FAM199X: variants seen among roughly 807,000 people sequenced by gnomAD.
The protein encoded by FAM199X is family with sequence similarity 199, X-linked.
FAM199X carries 4 observed loss-of-function variants against 22.9 expected under a neutral mutation model. The ratio of observed to expected loss-of-function variants is 0.17; its 90% confidence interval spans 0.09 to 0.40. The LOEUF (loss-of-function observed/expected upper bound fraction) is 0.40, where lower values mean the gene tolerates loss of function less well. Among genes scored for constraint, FAM199X ranks in the 10% least tolerant of loss-of-function variants. The probability of loss-of-function intolerance (pLI) is 1.00; values close to 1 mark genes in which losing one functional copy is unlikely to be tolerated. For missense variants in FAM199X, 183 were observed against 306.8 expected, an observed-to-expected ratio of 0.60 and a Z score of 3.01; for synonymous variants, 101 against 112.3, an observed-to-expected ratio of 0.90 and a Z score of 0.64.
At chrX:104,181,984 T>A (rs1184393297) in intron 2 of FAM199X, among the ~76,000 whole-genome samples, 1 of 107,632 alleles carries the variant, frequency 9.3e-6, no homozygotes, top group Non-Finnish European at 1.9e-5. Context: ...TCTTTTTTCT[T>A]TTTTTTCTTT....
the FAM199X span, among the ~76,000 whole-genome samples, chrX:104,160,868 T>C: frequency 9.0e-6 from 1 of 111,536 alleles, no homozygotes; most frequent in Non-Finnish European, 1.9e-5. Flanking sequence ...TATATCCTAT[T>C]ATTTACATAG....
At chrX:104,179,141 A>G (rs1921573150) in intron 2 of FAM199X, among the ~76,000 whole-genome samples, 1 of 111,765 alleles carries the variant, frequency 8.9e-6, no homozygotes, top group Non-Finnish European at 1.9e-5. Flanking sequence ...GCAATTCCAT[A>G]TGAATTTTAG....
chrX:104,165,807 C>A (rs1263675632), upstream of FAM199X, among the ~76,000 whole-genome samples: 1 of 111,363 alleles, frequency 9.0e-6, no homozygotes, highest in Non-Finnish European at 1.9e-5. Context: ...GGCAAATTAG[C>A]AGGTGTGCCT....
chrX:104,169,322 A>G (rs1216075566), intron 1 of FAM199X, among the ~76,000 whole-genome samples: 1 of 112,238 alleles, frequency 8.9e-6, no homozygotes, highest in Non-Finnish European at 1.9e-5. Context: ...TGTAAAACAA[A>G]TTTTCATTGG....
At position 104,194,257 on chromosome X, in the gene FAM199X, A is replaced by G. The variant is rs1289876493; in HGVS notation, c.*4479A>G. 8.1e-5 allele frequency: 9 copies of G among 111,468 alleles called. No individual in the cohort carries two copies. The highest frequency in any genetic ancestry group is 2.8e-4 in the East Asian group (1 of 3,586). 9.2% of individuals were successfully genotyped at this position (111,468 alleles called of 1,213,427 possible). A position where few individuals can be genotyped will look rare whatever the true frequency, so the allele number is the denominator to read the frequency against. On this transcript the variant is annotated 3_prime_UTR_variant, in exon 6 of 6. Coordinates refer to ENST00000493442, the MANE Select transcript of FAM199X (RefSeq NM_207318.4). ...TTTAATTGTCACATTTCTTTGTTAC[A>G]TCTTTGTGTCCAACAAAACCTGTGG...
At position 104,166,836 on chromosome X, in the gene FAM199X, C is replaced by T; in HGVS notation, c.51C>T (p.Pro17=). 3 of 1,208,399 alleles carry T rather than the reference C, an allele frequency of 2.5e-6. No homozygotes were observed. Among genetic ancestry groups the T allele is most frequent in the Non-Finnish European group, 3.4e-6 (3 of 893,776 alleles). Residue 17 remains proline, a synonymous_variant, in exon 1 of 6, where the codon CCC becomes CCT. Coordinates refer to ENST00000493442, the MANE Select transcript of FAM199X (RefSeq NM_207318.4). ...CTTCCTACGAGAAGTTTCTAACCCC[C>T]GAGGAGCCCTTCCCACTCCTGGGAC... ...AITSYEKFLT[P]EEPFPLLGPP...
chrX:104,167,680 G>C (rs1442513442), intron 1 of FAM199X, among the ~76,000 whole-genome samples: 1 of 111,191 alleles, frequency 9.0e-6, no homozygotes. Flanking sequence ...CCCCTTTGAA[G>C]AGACAGAGTA....
chrX:104,158,797 A>G, the FAM199X span, among the ~76,000 whole-genome samples: 12 of 111,748 alleles, frequency 1.1e-4, no homozygotes, highest in African/African-American at 3.9e-4. Flanking sequence ...AAGGTAAATC[A>G]CCAGGTTTGC....
intron 1 of FAM199X, among the ~76,000 whole-genome samples, chrX:104,168,193 C>T (rs1222069798): frequency 8.9e-6 from 1 of 112,304 alleles, no homozygotes. Flanking sequence ...ATCAGTATAA[C>T]ACATCTCAAA....
rs782376593 is a variant in FAM199X at position 104,193,657 on chromosome X, G to A, written c.*3879G>A. 1 of 111,911 alleles carries A rather than the reference G, an allele frequency of 8.9e-6. No individual in the cohort carries two copies. Among genetic ancestry groups the A allele is most frequent in the South Asian group, 3.7e-4 (1 of 2,713 alleles). The allele number at this position is 111,911 out of a possible 1,213,427, so 9.2% of individuals were successfully genotyped here. ...TCCCCAGTTGCATTCAAATAATAGT[G>A]TTGATGTTGAGGGCACTGACTCATT... On this transcript the variant is annotated 3_prime_UTR_variant, in exon 6 of 6. Transcript: ENST00000493442.
chrX:104,189,700 G>A lies in FAM199X; in HGVS notation c.1089G>A (p.Gly363=). Residue 363 remains glycine (G), a synonymous_variant, in exon 6 of 6, where the codon GGG becomes GGA. Coordinates refer to ENST00000493442, the MANE Select transcript of FAM199X (RefSeq NM_207318.4). ...AGGCCCGGAAGGAGAGGCTCAGTGG[G>A]CTCTTCCTTAACGAAGAGGTGCTGT... ...QRQARKERLS[G]LFLNEEVLSL... 2 of 1,209,630 alleles carry A rather than the reference G, an allele frequency of 1.7e-6. No homozygotes were observed. The highest frequency in any genetic ancestry group is 2.2e-6 in the Non-Finnish European group (2 of 894,775).
chrX:104,191,533 A>G lies in FAM199X; in HGVS notation c.*1755A>G, dbSNP rs1380763234. ...ACCCAAAGAGAGCTTAGGGATAGAC[A>G]CCAGAATACTCTGTGGAGGTGGAAC... On this transcript the variant is annotated 3_prime_UTR_variant, in exon 6 of 6. Coordinates refer to ENST00000493442, the MANE Select transcript of FAM199X (RefSeq NM_207318.4). 6.3e-5 allele frequency: 7 copies of G among 111,986 alleles called. No individual in the cohort carries two copies. In the Admixed American group the frequency reaches 6.6e-4, roughly 11 times the overall value. The allele number at this position is 111,986 out of a possible 1,213,427, so 9.2% of individuals were successfully genotyped here.
intron 1 of FAM199X, among the ~76,000 whole-genome samples, chrX:104,172,660 G>T (rs1229894826): frequency 1.8e-5 from 2 of 108,788 alleles, no homozygotes; most frequent in African/African-American, 6.7e-5. Context: ...GACTCCTTTG[G>T]CAGTGATCTA....
At chrX:104,164,724 A>C (rs782310215), upstream of FAM199X, among the ~76,000 whole-genome samples, 1 of 110,650 alleles carries the variant, frequency 9.0e-6, no homozygotes, top group South Asian at 3.9e-4. Context: ...TACTAAAAAT[A>C]CAAAAAATAG....
rs1163662097 is a variant in FAM199X at position 104,195,636 on chromosome X, G to T, written c.*5858G>T. Reference sequence around the variant, plus strand: ...TGTCTGAGCAGTTCTATGTATGGAGGAGCAATTCAGCTTTTCAGCAGCAAC... The same window carrying T: ...TGTCTGAGCAGTTCTATGTATGGAGTAGCAATTCAGCTTTTCAGCAGCAAC... On this transcript the variant is annotated 3_prime_UTR_variant, in exon 6 of 6. Coordinates refer to ENST00000493442, the MANE Select transcript of FAM199X (RefSeq NM_207318.4). 1 of 111,118 alleles carries T rather than the reference G, an allele frequency of 9.0e-6. No individual in the cohort carries two copies. Among genetic ancestry groups the T allele is most frequent in the Non-Finnish European group, 1.9e-5 (1 of 52,965 alleles). The allele number at this position is 111,118 out of a possible 1,213,427, so 9.2% of individuals were successfully genotyped here. A position where few individuals can be genotyped will look rare whatever the true frequency, so the allele number is the denominator to read the frequency against.
Position 104,192,028 on chromosome X carries a change from T to C in FAM199X, c.*2250T>C, listed in dbSNP as rs971531577. 1 of 111,648 alleles carries C rather than the reference T, an allele frequency of 9.0e-6. No homozygotes were observed. Among genetic ancestry groups the C allele is most frequent in the Non-Finnish European group, 1.9e-5 (1 of 53,012 alleles). 9.2% of individuals were successfully genotyped at this position (111,648 alleles called of 1,213,427 possible). A position where few individuals can be genotyped will look rare whatever the true frequency, so the allele number is the denominator to read the frequency against. The stretch of plus-strand genomic sequence containing the variant: ...TTAGAGATAGTCCATAAAGTTGGGT[T>C]GAAGGAGATTGAAAATATTTCCTTT... On this transcript the variant is annotated 3_prime_UTR_variant, in exon 6 of 6. Coordinates refer to ENST00000493442, the MANE Select transcript of FAM199X (RefSeq NM_207318.4).
intron 2 of FAM199X, among the ~76,000 whole-genome samples, chrX:104,182,842 G>T (rs190826055): frequency 1.8e-5 from 2 of 111,325 alleles, no homozygotes; most frequent in South Asian, 3.8e-4. Context: ...TTGCCTGTGT[G>T]CCAGGCATGT....
upstream of FAM199X, among the ~76,000 whole-genome samples, chrX:104,165,585 A>G (rs1233753153): frequency 8.9e-6 from 1 of 112,210 alleles, no homozygotes; most frequent in Non-Finnish European, 1.9e-5. Flanking sequence ...GGTAGTTTTA[A>G]AAATTGTCTT....
At chrX:104,175,334 A>C (rs1921461066) in intron 1 of FAM199X, among the ~76,000 whole-genome samples, 1 of 111,986 alleles carries the variant, frequency 8.9e-6, no homozygotes, top group African/African-American at 3.2e-5. Flanking sequence ...AGAAAAGTGT[A>C]ATGGACCCCA....
Sources: allele counts gnomAD v4.1 joint callset (sites outside exome capture counted in the v4.1 genomes callset), GRCh38; gene constraint gnomAD v4.1.1; transcripts MANE v1.5; gene names NCBI Gene and HGNC (gene_info 2026-07-23, HGNC 2026-07-21).